Variants in COL28A1 observed in about 807,000 individuals in gnomAD.
The protein encoded by COL28A1 is collagen alpha-1(XXVIII) chain.
Under a neutral mutation model 150.2 loss-of-function variants are expected in COL28A1, and 161 were observed. The ratio of observed to expected loss-of-function variants is 1.07; its 90% CI spans 0.94 to 1.22. The LOEUF (loss-of-function observed/expected upper bound fraction) is 1.22, where lower values mean the gene tolerates loss of function less well. Ranked by LOEUF, COL28A1 falls within the 50% of genes most tolerant of loss-of-function variation. The pLI, the probability that COL28A1 is intolerant of heterozygous loss-of-function variation, is 0.00. For missense variants in COL28A1, 1,617 were observed against 1,388.3 expected (o/e 1.16, Z -2.62); for synonymous variants, 552 against 469.7 (o/e 1.18, Z -2.26).
At chr7:7,400,304 G>A (rs1331652336) in intron 27 of COL28A1, among the ~76,000 whole-genome samples, 1 of 152,126 alleles carries the variant, frequency 6.6e-6, no homozygotes, top group African/African-American at 2.4e-5. Flanking sequence ...CTAAGAGCAA[G>A]GCAGAGGGAG....
At chr7:7,361,792 T>C (rs1780677835) in intron 33 of COL28A1, among the ~76,000 whole-genome samples, 1 of 151,588 alleles carries the variant, frequency 6.6e-6, no homozygotes, top group Admixed American at 6.6e-5. Context: ...CAAATGCTCA[T>C]CAATGATAGA....
intron 30 of COL28A1, among the ~76,000 whole-genome samples, chr7:7,378,025 G>T (rs1274792385): frequency 1.3e-5 from 2 of 152,122 alleles, no homozygotes; most frequent in East Asian, 3.9e-4. Flanking sequence ...AGCTCATGAA[G>T]ATGACTGAGC....
chr7:7,383,015 C>G (rs1325051394), intron 27 of COL28A1, among the ~76,000 whole-genome samples: 2 of 151,976 alleles, frequency 1.3e-5, no homozygotes, highest in African/African-American at 4.8e-5. Context: ...TCAAAAGGGC[C>G]TATTCTCTTT....
At chr7:7,340,156 A>G in the COL28A1 span, among the ~76,000 whole-genome samples, 1 of 151,940 alleles carries the variant, frequency 6.6e-6, no homozygotes, top group Admixed American at 6.6e-5. Context: ...ACGCCCAGCT[A>G]ATTTTTTGTA....
chr7:7,372,170 C>T (rs931500000), intron 32 of COL28A1, among the ~76,000 whole-genome samples: 7 of 151,848 alleles, frequency 4.6e-5, no homozygotes, highest in Admixed American at 2.6e-4. Flanking sequence ...GAGGCCGAGG[C>T]GGGTGGATCA....
intron 27 of COL28A1, among the ~76,000 whole-genome samples, chr7:7,415,439 T>A (rs1459434128): frequency 6.6e-6 from 1 of 151,082 alleles, no homozygotes; most frequent in East Asian, 1.9e-4. Context: ...TTTGCCACAG[T>A]CAGGAAAATG....
rs1419091115 is a variant in COL28A1 at position 7,474,581 on chromosome 7, T to C, written c.1302+20A>G. 1 of 972,252 alleles carries C rather than the reference T, an allele frequency of 1.0e-6. No homozygotes were observed. Among genetic ancestry groups the C allele is most frequent in the Non-Finnish European group, 1.7e-6 (1 of 596,160 alleles). The allele number at this position is 972,252 out of a possible 1,614,324, so 60.2% of individuals were successfully genotyped here. ...AATTTTATTGGCATTGTTTCCAGTGTACACCCTATTATACAGTACCTTCTC... is the reference window on the plus strand; with the variant it reads ...AATTTTATTGGCATTGTTTCCAGTGCACACCCTATTATACAGTACCTTCTC... On this transcript the variant is annotated intron_variant, in intron 15 of 34. Coordinates refer to ENST00000399429, the MANE Select transcript of COL28A1 (RefSeq NM_001037763.3).
chr7:7,347,091 G>A, the COL28A1 span, among the ~76,000 whole-genome samples: 1 of 152,014 alleles, frequency 6.6e-6, no homozygotes, highest in Non-Finnish European at 1.5e-5. Flanking sequence ...TCCATGGAGT[G>A]ATGGATCTTG....
At chr7:7,411,848 C>A (rs1015441741) in intron 27 of COL28A1, among the ~76,000 whole-genome samples, 1 of 152,168 alleles carries the variant, frequency 6.6e-6, no homozygotes, top group Non-Finnish European at 1.5e-5. Flanking sequence ...TAAACCCAGT[C>A]CTTATAAGCC....
chr7:7,494,988 C>G (rs1190315982), intron 11 of COL28A1, among the ~76,000 whole-genome samples: 3 of 152,048 alleles, frequency 2.0e-5, no homozygotes. Context: ...TAGAGACGGT[C>G]AGCAGCCCGT....
intron 20 of COL28A1, among the ~76,000 whole-genome samples, chr7:7,441,698 G>A (rs1785804200): frequency 6.6e-6 from 1 of 152,106 alleles, no homozygotes; most frequent in Non-Finnish European, 1.5e-5. Context: ...GGTCTGCACT[G>A]AGGTCCAAAC....
intron 30 of COL28A1, among the ~76,000 whole-genome samples, chr7:7,377,199 G>T (rs1234207607): frequency 6.6e-6 from 1 of 152,084 alleles, no homozygotes; most frequent in East Asian, 1.9e-4. Flanking sequence ...ATATTTTGTG[G>T]CATAATCAGG....
chr7:7,451,673 T>A (rs1384431330), intron 18 of COL28A1, among the ~76,000 whole-genome samples: 1 of 152,198 alleles, frequency 6.6e-6, no homozygotes, highest in Non-Finnish European at 1.5e-5. Flanking sequence ...TATGTTTGTA[T>A]ACATACATAC....
intron 33 of COL28A1, among the ~76,000 whole-genome samples, chr7:7,370,292 T>G (rs539678596): frequency 7.6e-4 from 115 of 152,200 alleles, no homozygotes; most frequent in African/African-American, 2.7e-3. Flanking sequence ...AGTGGCCAGT[T>G]GGGCATATGC....
chr7:7,532,296 AT>A (rs933666902), intron 2 of COL28A1, among the ~76,000 whole-genome samples: 2 of 151,308 alleles, frequency 1.3e-5, no homozygotes, highest in African/African-American at 2.4e-5. Flanking sequence ...GTGAGTCCCT[AT>A]TTTTTTTTAA....
At chr7:7,364,584 A>C (rs1780837348) in intron 33 of COL28A1, among the ~76,000 whole-genome samples, 1 of 152,124 alleles carries the variant, frequency 6.6e-6, no homozygotes, top group Non-Finnish European at 1.5e-5. Context: ...CACCCCTTTG[A>C]GCTACTCATC....
chr7:7,474,379 A>C (rs1349041385), intron 15 of COL28A1, among the ~76,000 whole-genome samples: 4 of 152,048 alleles, frequency 2.6e-5, no homozygotes, highest in Non-Finnish European at 5.9e-5. Flanking sequence ...AAATCTCACA[A>C]ATCACCACTA....
At chr7:7,530,958 A>C (rs1020209038) in intron 3 of COL28A1, among the ~76,000 whole-genome samples, 2 of 152,202 alleles carry the variant, frequency 1.3e-5, no homozygotes, top group African/African-American at 4.8e-5. Flanking sequence ...ACAGATGTGG[A>C]ATGGGAAAAG....
chr7:7,419,130 G>A (rs545237852), intron 26 of COL28A1, among the ~76,000 whole-genome samples: 2 of 152,060 alleles, frequency 1.3e-5, no homozygotes, highest in South Asian at 2.1e-4. Flanking sequence ...CCCTACTTTC[G>A]AACAAATCAA....
Sources: gnomAD v4.1 joint callset for allele counts (sites outside exome capture counted in the v4.1 genomes callset) on GRCh38, gnomAD v4.1.1 for gene constraint, MANE v1.5 for transcripts, NCBI Gene and HGNC (gene_info 2026-07-23, HGNC 2026-07-21) for gene names.